The following PPP1R36 variants were observed in gnomAD, a reference collection of about 807,000 sequenced individuals.
PPP1R36 encodes chromosome 14 open reading frame 50.
PPP1R36 carries 47 observed loss-of-function variants against 53.4 expected under a neutral mutation model. The observed-to-expected ratio is 0.88, with a 90% CI of 0.70 to 1.12. The LOEUF (loss-of-function observed/expected upper bound fraction) is 1.12. PPP1R36 is among the 50% of genes most tolerant of loss of function. PPP1R36 has a pLI of 0.00. For missense variants in PPP1R36, 456 were observed against 513.9 expected (o/e 0.89, Z 1.09); for synonymous variants, 153 against 170.5 (o/e 0.90, Z 0.80).
chr14:64,574,647 A>C (rs1352088475), intron 8 of PPP1R36, 58 bp downstream of exon 8: 4 of 1,531,550 alleles, frequency 2.6e-6, no homozygotes, highest in Non-Finnish European at 3.5e-6. Context: ...CACATCCTTA[A>C]GATGCTTCCG....
intron 8 of PPP1R36, 59 bp from the exon 9 acceptor site, chr14:64,586,778 A>G (rs1007951535): frequency 1.7e-6 from 2 of 1,178,088 alleles, no homozygotes; most frequent in South Asian, 1.3e-5. Flanking sequence ...GATAAGGACT[A>G]GTACCCTGAA....
intron 3 of PPP1R36, among the ~76,000 whole-genome samples, chr14:64,556,230 G>A (rs2080150193): frequency 6.8e-6 from 1 of 147,466 alleles, no homozygotes; most frequent in African/African-American, 2.5e-5. Context: ...AGCCTCCCAA[G>A]TAGCTGGGAC....
intron 3 of PPP1R36, 62 bp from the exon 4 acceptor site, chr14:64,564,689 A>G: frequency 9.1e-7 from 1 of 1,093,976 alleles, no homozygotes; most frequent in Non-Finnish European, 1.4e-6. Context: ...GAGCTATGAT[A>G]TGATTTGACT....
chr14:64,576,374 C>T (rs991924167), intron 8 of PPP1R36, among the ~76,000 whole-genome samples: 1 of 152,184 alleles, frequency 6.6e-6, no homozygotes, highest in Non-Finnish European at 1.5e-5. Context: ...AGCCACGGCA[C>T]TCCGCCCTAA....
At chr14:64,552,129 C>T (rs1196676215) in intron 2 of PPP1R36, among the ~76,000 whole-genome samples, 2 of 151,120 alleles carry the variant, frequency 1.3e-5, no homozygotes, top group South Asian at 2.1e-4. Flanking sequence ...TAGATTGGCT[C>T]CTAGGTGTCT....
At chr14:64,587,866 C>G (rs1214379809) in intron 10 of PPP1R36, among the ~76,000 whole-genome samples, 3 of 152,054 alleles carry the variant, frequency 2.0e-5, no homozygotes, top group Non-Finnish European at 4.4e-5. Context: ...TCAAGTGATC[C>G]TCCTGTAGCT....
rs114440991 is a variant in PPP1R36 at position 64,553,808 on chromosome 14, C to T, written c.182+947C>T. 8.6e-3 allele frequency among the ~76,000 whole-genome samples: 1,106 copies of T among 128,580 alleles called. 15 individuals are homozygous for T. The highest frequency in any genetic ancestry group is 0.03 in the African/African-American group (1,041 of 35,008). 84.4% of individuals were successfully genotyped at this position (128,580 alleles called of 152,430 possible). A position where few individuals can be genotyped will look rare whatever the true frequency, so the allele number is the denominator to read the frequency against. ...ACTTTAAGATTTATGCACCTTACTACGTGTAAGTTATAACTAAAAAAAAAA... is the reference window on the plus strand; with the variant it reads ...ACTTTAAGATTTATGCACCTTACTATGTGTAAGTTATAACTAAAAAAAAAA... On this transcript the variant is annotated intron_variant, in intron 3 of 11. Coordinates refer to ENST00000298705, the MANE Select transcript of PPP1R36 (RefSeq NM_172365.3).
chr14:64,559,018 A>G (rs1315893828), intron 3 of PPP1R36, among the ~76,000 whole-genome samples: 1 of 152,136 alleles, frequency 6.6e-6, no homozygotes, highest in African/African-American at 2.4e-5. Context: ...GGACTAAGGG[A>G]AGGTTTTGGG....
At chr14:64,568,279 T>C (rs2080275974) in intron 6 of PPP1R36, 70 bp from the exon 7 acceptor site, 1 of 597,238 alleles carries the variant, frequency 1.7e-6, no homozygotes, top group Non-Finnish European at 2.8e-6. Context: ...CATATATTTT[T>C]TATGAGAAAT....
intron 8 of PPP1R36, among the ~76,000 whole-genome samples, chr14:64,577,219 C>T (rs1047353193): frequency 2.0e-5 from 3 of 152,164 alleles, no homozygotes; most frequent in Admixed American, 1.3e-4. Context: ...ACAATGCATA[C>T]GGGCTCTATG....
At chr14:64,564,038 G>C (rs1441150868) in intron 3 of PPP1R36, among the ~76,000 whole-genome samples, 1 of 152,208 alleles carries the variant, frequency 6.6e-6, no homozygotes, top group Non-Finnish European at 1.5e-5. Context: ...CAGATCGTCG[G>C]TATAGATTTG....
chr14:64,583,760 G>T (rs1240646060), intron 8 of PPP1R36, among the ~76,000 whole-genome samples: 2 of 109,114 alleles, frequency 1.8e-5, no homozygotes, highest in Non-Finnish European at 4.2e-5. Context: ...GTTGCGGTGA[G>T]CCAAGATCGT....
intron 11 of PPP1R36, among the ~76,000 whole-genome samples, chr14:64,588,849 C>G (rs1387130567): frequency 1.3e-5 from 2 of 152,016 alleles, no homozygotes; most frequent in African/African-American, 2.4e-5. Flanking sequence ...TGTGAGCCAC[C>G]GCGCCCAGCC....
At chr14:64,559,613 A>C (rs2080188044) in intron 3 of PPP1R36, 1 of 152,360 alleles carries the variant, frequency 6.6e-6, no homozygotes, top group South Asian at 2.1e-4. Context: ...AACATGGGCA[A>C]AGCCCAGACC....
At chr14:64,555,985 C>A (rs935592605) in intron 3 of PPP1R36, among the ~76,000 whole-genome samples, 11 of 152,044 alleles carry the variant, frequency 7.2e-5, no homozygotes, top group Admixed American at 4.6e-4. Flanking sequence ...AAGATTCCAC[C>A]ACAGTTGTAT....
intron 6 of PPP1R36, among the ~76,000 whole-genome samples, chr14:64,566,501 T>G (rs1005446425): frequency 1.3e-5 from 2 of 151,918 alleles, no homozygotes; most frequent in African/African-American, 2.4e-5. Flanking sequence ...CTACTAGTTA[T>G]GTTTGGCAGC....
At chr14:64,563,861 C>A (rs188674890) in intron 3 of PPP1R36, among the ~76,000 whole-genome samples, 1 of 152,178 alleles carries the variant, frequency 6.6e-6, no homozygotes, top group Admixed American at 6.5e-5. Flanking sequence ...CACCACAGTT[C>A]TCCCAGAAAA....
At chr14:64,562,799 T>G (rs1473905583) in intron 3 of PPP1R36, among the ~76,000 whole-genome samples, 1 of 152,020 alleles carries the variant, frequency 6.6e-6, no homozygotes, top group Non-Finnish European at 1.5e-5. Flanking sequence ...TTATACTAGA[T>G]GATATTTTTT....
At chr14:64,579,806 T>C (rs2080372594) in intron 8 of PPP1R36, among the ~76,000 whole-genome samples, 1 of 150,990 alleles carries the variant, frequency 6.6e-6, no homozygotes. Flanking sequence ...CCATCTCTAC[T>C]AAAAATACAA....
Sources: gnomAD v4.1 joint callset for allele counts (sites outside exome capture counted in the v4.1 genomes callset) on GRCh38, gnomAD v4.1.1 for gene constraint, MANE v1.5 for transcripts, NCBI Gene and HGNC (gene_info 2026-07-23, HGNC 2026-07-21) for gene names.